Variants in PDE4D observed in about 807,000 individuals in gnomAD.
PDE4D encodes phosphodiesterase 4D.
Under a neutral mutation model 87.4 loss-of-function variants are expected in PDE4D, and 24 were observed. The observed-to-expected ratio is 0.27, with a 90% CI of 0.20 to 0.39. The LOEUF is 0.39. PDE4D is among the 10% of genes least tolerant of loss of function. PDE4D has a pLI of 1.00. For missense variants in PDE4D, 714 were observed against 1,041.0 expected (o/e 0.69, Z 4.32); for synonymous variants, 384 against 383.2 (o/e 1.00, Z -0.02).
At position 59,893,243 on chromosome 5, in the gene PDE4D, G is replaced by T; in HGVS notation, c.380C>A (p.Ala127Glu). 2.6e-6 allele frequency: 4 copies of T among 1,556,588 alleles called. No individual in the cohort carries two copies. Among genetic ancestry groups the T allele is most frequent in the Non-Finnish European group, 3.5e-6 (4 of 1,149,858 alleles). Reference sequence around the variant, plus strand: ...GCCGGGCCGGTGGCCGGTCTCCACCGCGTAGGAGGTGCGGTCCATGGCGCG... The same window carrying T: ...GCCGGGCCGGTGGCCGGTCTCCACCTCGTAGGAGGTGCGGTCCATGGCGCG... ...YCRAMDRTSY[A>E]VETGHRPGLK... The change falls in exon 1 of 15, where the codon GCG becomes GAG. Residue 127 changes from alanine to glutamate, a missense_variant. Around this residue, in one of 7 missense-constraint regions of PDE4D, gnomAD observed 268 missense variants for 272.9 expected, o/e 0.98. Transcript: ENST00000340635.
At position 59,162,818 on chromosome 5, in the gene PDE4D, G is replaced by T. The variant is rs1472587725; in HGVS notation, c.808+17777C>A. ...TGCAGTGAGCTGTGATTGTGCCACC[G>T]CAATCTAGCCTGAGCAAAAAGTGAG... On this transcript the variant is annotated intron_variant, in intron 5 of 14. Coordinates refer to ENST00000340635, the MANE Select transcript of PDE4D (RefSeq NM_001104631.2). Among the ~76,000 whole-genome samples, 9 of 136,502 alleles carry T rather than the reference G, an allele frequency of 6.6e-5. No homozygotes were observed. The South Asian group carries it at 1.8e-3, about 27-fold the overall frequency. The allele number at this position is 136,502 out of a possible 152,430, so 89.6% of individuals were successfully genotyped here.
intron 1 of PDE4D, among the ~76,000 whole-genome samples, chr5:59,374,749 C>T (rs1486266942): frequency 6.6e-6 from 1 of 152,130 alleles, no homozygotes; most frequent in Non-Finnish European, 1.5e-5. Context: ...ATGCCACATA[C>T]TCTAAAATTG....
intron 5 of PDE4D, among the ~76,000 whole-genome samples, chr5:59,093,726 T>C (rs1275027130): frequency 6.6e-6 from 1 of 152,230 alleles, no homozygotes; most frequent in Non-Finnish European, 1.5e-5. Flanking sequence ...TATGCACCTG[T>C]ATATGTCTTG....
At chr5:60,147,928 C>T in intron 2 of PDE4D, 1 of 353,212 alleles carries the variant, frequency 2.8e-6, no homozygotes, top group Non-Finnish European at 5.7e-6. Flanking sequence ...GTTTTTATAA[C>T]CTAACCTCCA....
At chr5:59,106,452 T>C (rs956027026) in intron 5 of PDE4D, among the ~76,000 whole-genome samples, 12 of 152,168 alleles carry the variant, frequency 7.9e-5, no homozygotes, top group African/African-American at 2.9e-4. Flanking sequence ...AGTATCTTCA[T>C]ATTAGGTAGG....
At chr5:60,027,473 G>A (rs182461966) in intron 2 of PDE4D, among the ~76,000 whole-genome samples, 19 of 152,186 alleles carry the variant, frequency 1.2e-4, no homozygotes, top group Admixed American at 3.9e-4. Flanking sequence ...GTACCTAGGT[G>A]TCAATAGGCA....
chr5:60,274,753 C>T (rs1382794630), intron 1 of PDE4D, among the ~76,000 whole-genome samples: 2 of 152,202 alleles, frequency 1.3e-5, no homozygotes. Context: ...ATTCAGATTG[C>T]TTGGGCTATT....
chr5:59,330,785 C>G (rs1477131631), intron 1 of PDE4D, among the ~76,000 whole-genome samples: 2 of 152,158 alleles, frequency 1.3e-5, no homozygotes, highest in African/African-American at 2.4e-5. Context: ...TTACAAGAAA[C>G]TACACAACTC....
At chr5:59,171,843 T>G (rs925234809) in intron 5 of PDE4D, among the ~76,000 whole-genome samples, 9 of 136,826 alleles carry the variant, frequency 6.6e-5, no homozygotes, top group Admixed American at 2.4e-4. Flanking sequence ...TTTTATATAT[T>G]TATTTTATAA....
At chr5:59,128,899 G>A (rs1580956219) in intron 5 of PDE4D, among the ~76,000 whole-genome samples, 2 of 152,296 alleles carry the variant, frequency 1.3e-5, no homozygotes, top group East Asian at 3.9e-4. Context: ...ACCTTTAAGT[G>A]AGGAAACTGA....
intron 1 of PDE4D, among the ~76,000 whole-genome samples, chr5:60,195,847 G>A (rs1430377133): frequency 6.6e-6 from 1 of 151,712 alleles, no homozygotes; most frequent in Non-Finnish European, 1.5e-5. Context: ...TTCTCTTTAA[G>A]TTATTCAAAT....
chr5:60,143,224 C>A (rs755560848), intron 2 of PDE4D, among the ~76,000 whole-genome samples: 4 of 152,150 alleles, frequency 2.6e-5, no homozygotes, highest in Non-Finnish European at 4.4e-5. Context: ...TTTGTAAAAT[C>A]TGCTGCATTC....
At chr5:59,831,894 T>C (rs1741309343) in intron 1 of PDE4D, among the ~76,000 whole-genome samples, 5 of 152,056 alleles carry the variant, frequency 3.3e-5, no homozygotes, top group Admixed American at 2.6e-4. Flanking sequence ...TGAAAGCCTT[T>C]GACTCAGCAA....
chr5:60,267,980 G>A (rs552751266), intron 1 of PDE4D, among the ~76,000 whole-genome samples: 1 of 152,204 alleles, frequency 6.6e-6, no homozygotes, highest in East Asian at 1.9e-4. Context: ...TCACTTACTA[G>A]CTAACTTAAG....
In PDE4D at chr5:60,281,867, T is replaced by C. The variant is rs549108223; in HGVS notation, c.-89-96180A>G. 2.0e-5 allele frequency among the ~76,000 whole-genome samples: 3 copies of C among 151,992 alleles called. No homozygotes were observed. In the South Asian group the frequency reaches 6.2e-4, roughly 32 times the overall value. ...CAGCCTGGGCAAGAGCAAAACCCTG[T>C]CTCTACAAAAACGTACAAAATTAGC... On this transcript the variant is annotated intron_variant, in intron 1 of 16. Coordinates refer to the PDE4D transcript ENST00000502484.
intron 12 of PDE4D, among the ~76,000 whole-genome samples, chr5:58,976,729 T>C (rs1743896213): frequency 6.6e-6 from 1 of 152,114 alleles, no homozygotes; most frequent in African/African-American, 2.4e-5. Flanking sequence ...GGGTGACATC[T>C]CCATGGATAA....
chr5:59,209,820 T>C (rs1449167754), intron 2 of PDE4D, among the ~76,000 whole-genome samples: 2 of 152,224 alleles, frequency 1.3e-5, no homozygotes, highest in African/African-American at 2.4e-5. Context: ...AGATATGGTG[T>C]CACAGAAAGG....
intron 5 of PDE4D, among the ~76,000 whole-genome samples, chr5:59,135,995 TG>T (rs1351384777): frequency 6.6e-6 from 1 of 150,638 alleles, no homozygotes; most frequent in Admixed American, 6.7e-5. Context: ...AGGATGAATT[TG>T]ACTACTCAAA....
chr5:59,574,003 A>ATAT lies in PDE4D; in HGVS notation c.455+319164_455+319165insATA, dbSNP rs1199428733. Among the ~76,000 whole-genome samples, 117 of 125,920 alleles carry ATAT rather than the reference A, an allele frequency of 9.3e-4. 1 individual carries two copies. Among genetic ancestry groups the ATAT allele is most frequent in the African/African-American group, 3.7e-3 (112 of 30,070 alleles). The allele number at this position is 125,920 out of a possible 152,430, so 82.6% of individuals were successfully genotyped here. On this transcript the variant is annotated intron_variant, in intron 1 of 14. Coordinates refer to ENST00000340635, the MANE Select transcript of PDE4D (RefSeq NM_001104631.2). ...ACAAAGGGAGACTCTGTCTCAAAAA[A>ATAT]AAATATATATATATATATATATATA... is the stretch of plus-strand genomic sequence containing the variant.
Sources: allele counts gnomAD v4.1 joint callset (sites outside exome capture counted in the v4.1 genomes callset), GRCh38; gene constraint gnomAD v4.1.1; regional missense constraint gnomAD v4.1.1; transcripts MANE v1.5; gene names NCBI Gene and HGNC (gene_info 2026-07-23, HGNC 2026-07-21).